Variants in RABGAP1L observed in about 807,000 individuals in gnomAD.
RABGAP1L encodes rab GTPase-activating protein 1-like.
In RABGAP1L, 63 loss-of-function variants were observed where a neutral mutation model predicts 137.7. That is an observed-to-expected ratio of 0.46 (90% CI 0.37 to 0.56). The LOEUF (loss-of-function observed/expected upper bound fraction) is 0.56, where lower values mean the gene tolerates loss of function less well. Among genes scored for constraint, RABGAP1L ranks in the 20% least tolerant of loss-of-function variants. The pLI is 0.00. For synonymous variants in RABGAP1L, 431 were observed against 433.7 expected, an observed-to-expected ratio of 0.99 and a Z score of 0.08; for missense variants, 1,095 against 1,244.0, an observed-to-expected ratio of 0.88 and a Z score of 1.80.
chr1:174,843,482 G>A (rs899553277), intron 19 of RABGAP1L, among the ~76,000 whole-genome samples: 1 of 148,394 alleles, frequency 6.7e-6, no homozygotes, highest in South Asian at 2.2e-4. Flanking sequence ...GCGGTGTTTG[G>A]TTTTTTGTTC....
rs73026480 is a variant in RABGAP1L, at chr1:174,761,647, G to C, written c.2211+9293G>C. Among the ~76,000 whole-genome samples, 1 of 152,170 alleles carries C rather than the reference G, an allele frequency of 6.6e-6. No homozygotes were observed. Among genetic ancestry groups the C allele is most frequent in the East Asian group, 1.9e-4 (1 of 5,190 alleles). On this transcript the variant is annotated intron_variant, in intron 18 of 25. Coordinates refer to ENST00000681986, the MANE Select transcript of RABGAP1L (RefSeq NM_001366446.1). This position sits in a 1 kb window ranked among gnomAD's most constrained non-coding sequence, Gnocchi z 4.0. Reference sequence around the variant, plus strand: ...CCCAGACGGAGACAGTGTGGGGGCCGGACAAGGGCCGAACAGAGGCATTCC... The same window carrying C: ...CCCAGACGGAGACAGTGTGGGGGCCCGACAAGGGCCGAACAGAGGCATTCC...
intron 14 of RABGAP1L, among the ~76,000 whole-genome samples, chr1:174,665,449 G>GCCCCA (rs1448622840): frequency 7.2e-5 from 4 of 55,388 alleles, no homozygotes; most frequent in African/African-American, 3.2e-4. Flanking sequence ...GCCCCGCCCC[G>GCCCCA]CCTCGCCTTG....
chr1:174,208,452 C>A (rs1246912878), intron 1 of RABGAP1L, among the ~76,000 whole-genome samples: 1 of 151,960 alleles, frequency 6.6e-6, no homozygotes, highest in African/African-American at 2.4e-5. Flanking sequence ...GGAGGAAATT[C>A]CCCTCAATTG....
intron 20 of RABGAP1L, among the ~76,000 whole-genome samples, chr1:174,965,576 T>C (rs531766998): frequency 6.6e-5 from 10 of 152,230 alleles, no homozygotes; most frequent in Non-Finnish European, 1.5e-4. Flanking sequence ...AAGCTCTGTT[T>C]AGCCCTCAGT....
At chr1:174,732,339 C>T (rs1025785389) in intron 17 of RABGAP1L, among the ~76,000 whole-genome samples, 5 of 152,048 alleles carry the variant, frequency 3.3e-5, no homozygotes, top group African/African-American at 7.2e-5. Context: ...AGCTTAAAGC[C>T]GGAGCAGATA....
rs201933078 is a variant in RABGAP1L, at chr1:174,448,195, A to C, written c.1710+54050A>C. 50 of 1,613,694 alleles carry C rather than the reference A, an allele frequency of 3.1e-5. No homozygotes were observed. The South Asian group carries it at 5.4e-4, about 17-fold the overall frequency. On this transcript the variant is annotated intron_variant, in intron 13 of 25. Coordinates refer to ENST00000681986, the MANE Select transcript of RABGAP1L (RefSeq NM_001366446.1). The surrounding 1 kb of genome is among the most constrained non-coding windows in gnomAD (Gnocchi z 4.2). ...ATGTGTCCGAGCGTCACTCCTGCCC[A>C]CTTGGATTTGGCCACTACAGTGTGG... is the stretch of plus-strand genomic sequence containing the variant.
At chr1:174,618,225 A>G (rs1672091601) in intron 13 of RABGAP1L, among the ~76,000 whole-genome samples, 2 of 152,226 alleles carry the variant, frequency 1.3e-5, no homozygotes, top group African/African-American at 4.8e-5. Context: ...GGCACAGCAT[A>G]GCCAAACAAA....
At chr1:174,617,949 CTGCACTTTTCCAA>C in intron 13 of RABGAP1L, among the ~76,000 whole-genome samples, 1 of 152,328 alleles carries the variant, frequency 6.6e-6, no homozygotes, top group Non-Finnish European at 1.5e-5. Flanking sequence ...CACCCGAATA[CTGCACTTTTCCAA>C]TGGTCTTAGC....
At chr1:174,288,106 T>C (rs1297394440) in intron 10 of RABGAP1L, among the ~76,000 whole-genome samples, 3 of 152,206 alleles carry the variant, frequency 2.0e-5, no homozygotes, top group African/African-American at 4.8e-5. Context: ...TCTACACTTT[T>C]ACTCCCCCAT....
In RABGAP1L at chr1:174,913,481, G is replaced by A. The variant is rs530442615; in HGVS notation, c.2341-43976G>A. 1.5e-3 allele frequency among the ~76,000 whole-genome samples: 221 copies of A among 152,184 alleles called. 2 individuals carry two copies. Among genetic ancestry groups the A allele is most frequent in the African/African-American group, 5.1e-3 (210 of 41,528 alleles). On this transcript the variant is annotated intron_variant, in intron 19 of 25. Coordinates refer to ENST00000681986, the MANE Select transcript of RABGAP1L (RefSeq NM_001366446.1). ...TTTCTTGTCTTGCCTGAAGAAAAAC[G>A]TAACTTTTTTGAGATACAATCTTTC...
chr1:174,655,191 C>T lies in RABGAP1L; in HGVS notation c.1824+17703C>T, dbSNP rs1047979057. 2.6e-5 allele frequency among the ~76,000 whole-genome samples: 4 copies of T among 152,160 alleles called. No individual in the cohort carries two copies. In the South Asian group the frequency reaches 6.2e-4, roughly 24 times the overall value. On this transcript the variant is annotated intron_variant, in intron 14 of 25. Transcript: ENST00000681986. The stretch of plus-strand genomic sequence containing the variant: ...TCATAATGCAACATCCAAATCAGTA[C>T]TACCTAATCTATAGACATCATTCAG...
intron 14 of RABGAP1L, among the ~76,000 whole-genome samples, chr1:174,651,761 C>T (rs942939577): frequency 6.6e-6 from 1 of 152,214 alleles, no homozygotes; most frequent in Non-Finnish European, 1.5e-5. Context: ...TTGAATACAG[C>T]ACACTGATAG....
At chr1:174,813,888 C>T (rs924861810) in intron 19 of RABGAP1L, among the ~76,000 whole-genome samples, 2 of 151,922 alleles carry the variant, frequency 1.3e-5, no homozygotes, top group Admixed American at 1.3e-4. Context: ...TTGTAGGCAT[C>T]CTTTAAAATA....
intron 7 of RABGAP1L, among the ~76,000 whole-genome samples, chr1:174,253,244 C>T (rs1429377314): frequency 6.6e-6 from 1 of 151,992 alleles, no homozygotes; most frequent in Non-Finnish European, 1.5e-5. Flanking sequence ...TCCTGATTCA[C>T]AAAAAGACAG....
At chr1:174,759,317 A>G (rs1302149671) in intron 18 of RABGAP1L, among the ~76,000 whole-genome samples, 1 of 148,746 alleles carries the variant, frequency 6.7e-6, no homozygotes, top group Non-Finnish European at 1.5e-5. Context: ...AGTTTCAGCC[A>G]GGTACATTGG....
intron 11 of RABGAP1L, among the ~76,000 whole-genome samples, chr1:174,356,574 A>T (rs935461545): frequency 1.0e-4 from 15 of 150,686 alleles, no homozygotes; most frequent in African/African-American, 3.6e-4. Flanking sequence ...TAGAAACACA[A>T]TTTTTTTTTT....
chr1:174,300,102 C>A (rs1350222738), intron 10 of RABGAP1L, among the ~76,000 whole-genome samples: 1 of 152,162 alleles, frequency 6.6e-6, no homozygotes, highest in African/African-American at 2.4e-5. Flanking sequence ...CATATATTAT[C>A]ATTATTCACA....
At chr1:174,527,636 A>T (rs1358476922) in intron 13 of RABGAP1L, among the ~76,000 whole-genome samples, 1 of 152,176 alleles carries the variant, frequency 6.6e-6, no homozygotes, top group Admixed American at 6.5e-5. Context: ...ATCTCTGTAA[A>T]TGTCTGTTAG....
chr1:174,345,502 G>A (rs943087352), intron 11 of RABGAP1L, among the ~76,000 whole-genome samples: 13 of 151,874 alleles, frequency 8.6e-5, no homozygotes, highest in African/African-American at 2.9e-4. Context: ...GAGGTCTTTC[G>A]CTTGTTTGGT....
Sources: allele counts gnomAD v4.1 joint callset (sites outside exome capture counted in the v4.1 genomes callset), GRCh38; gene constraint gnomAD v4.1.1; non-coding constraint Gnocchi (gnomAD v3.1); transcripts MANE v1.5; gene names NCBI Gene and HGNC (gene_info 2026-07-23, HGNC 2026-07-21).